Variants in CBL observed in about 807,000 individuals in gnomAD.
CBL encodes the protein E3 ubiquitin-protein ligase CBL.
Under a neutral mutation model 96.9 loss-of-function variants are expected in CBL, and 45 were observed. That is an observed-to-expected ratio of 0.46 (90% CI 0.37 to 0.60). The LOEUF is 0.60. CBL is among the 20% of genes least tolerant of loss of function. CBL has a pLI of 0.00. For missense variants in CBL, 1,024 were observed against 1,143.5 expected (o/e 0.90, Z 1.51); for synonymous variants, 420 against 426.8 (o/e 0.98, Z 0.20).
chr11:119,276,279 G>T (rs1949888889), intron 6 of CBL, 145 bp downstream of exon 6: 2 of 850,114 alleles, frequency 2.4e-6, no homozygotes, highest in Non-Finnish European at 3.8e-6. Flanking sequence ...TTGACCTTCA[G>T]GTCCTGGAAG....
rs59099916 is a variant in CBL at position 119,277,241 on chromosome 11, G to GCACACACACA, written c.1008-495_1008-486dup. ...CAAAAAAAAAATAAGAATCTGTCGC[G>GCACACACACA]CACACACACACACACACACACACAC... On this transcript the variant is annotated intron_variant, in intron 6 of 15. Transcript: ENST00000264033. Among the ~76,000 whole-genome samples, 267 of 146,484 alleles carry GCACACACACA rather than the reference G, an allele frequency of 1.8e-3. 1 individual carries two copies. Among genetic ancestry groups the GCACACACACA allele is most frequent in the Middle Eastern group, 0.01 (3 of 286 alleles).
chr11:119,246,861 A>G (rs542603662), intron 2 of CBL, among the ~76,000 whole-genome samples: 1 of 152,360 alleles, frequency 6.6e-6, no homozygotes, highest in South Asian at 2.1e-4. Context: ...TTACTTGTGC[A>G]TGATTTCGTA....
chr11:119,270,416 T>TTATATATATATATATATATATATA (rs142299271), intron 2 of CBL, among the ~76,000 whole-genome samples: 2 of 74,364 alleles, frequency 2.7e-5, no homozygotes, highest in African/African-American at 1.2e-4. Flanking sequence ...CAGCTAATTT[T>TTATATATATATATATATATATATA]TATATATATA....
intron 2 of CBL, among the ~76,000 whole-genome samples, chr11:119,255,133 G>A (rs971419113): frequency 6.6e-6 from 1 of 152,150 alleles, no homozygotes; most frequent in African/African-American, 2.4e-5. Flanking sequence ...GATTGAGCGT[G>A]ATAAGTGAAG....
At chr11:119,256,223 G>A (rs1434796370) in intron 2 of CBL, among the ~76,000 whole-genome samples, 4 of 146,976 alleles carry the variant, frequency 2.7e-5, no homozygotes, top group East Asian at 2.0e-4. Flanking sequence ...ATGGAGTCTC[G>A]CTCTGTCGCC....
At chr11:119,215,549 C>A (rs568073615) in intron 1 of CBL, among the ~76,000 whole-genome samples, 1 of 151,894 alleles carries the variant, frequency 6.6e-6, no homozygotes, top group African/African-American at 2.4e-5. Flanking sequence ...GCCTGTAATC[C>A]CAGCTCCTCG....
chr11:119,243,916 A>G (rs1013823550), intron 2 of CBL, among the ~76,000 whole-genome samples: 6 of 151,718 alleles, frequency 4.0e-5, no homozygotes, highest in African/African-American at 1.5e-4. Context: ...TTTTGTGGAC[A>G]TCGGGTCTCA....
chr11:119,253,718 G>A (rs968885911), intron 2 of CBL, among the ~76,000 whole-genome samples: 2 of 149,882 alleles, frequency 1.3e-5, no homozygotes, highest in South Asian at 4.3e-4. Flanking sequence ...CATACCTGTG[G>A]TCTAAGCTGT....
At chr11:119,284,800 C>T (rs1467040860) in intron 9 of CBL, among the ~76,000 whole-genome samples, 169 bp from the exon 10 acceptor site, 2 of 152,080 alleles carry the variant, frequency 1.3e-5, no homozygotes, top group Non-Finnish European at 2.9e-5. Context: ...TCAGGAAGTG[C>T]TAGAGTCTCT....
chr11:119,263,917 A>G (rs1949774429), intron 2 of CBL, among the ~76,000 whole-genome samples: 1 of 152,194 alleles, frequency 6.6e-6, no homozygotes, highest in Admixed American at 6.5e-5. Flanking sequence ...TTATCACTGA[A>G]ATAGTACCAG....
intron 2 of CBL, among the ~76,000 whole-genome samples, chr11:119,248,996 A>C (rs78536775): frequency 0.013 from 1,908 of 152,242 alleles, 44 homozygotes; most frequent in African/African-American, 0.043. Flanking sequence ...TGGTGATAGG[A>C]ATAGAAAATG....
At position 119,285,425 on chromosome 11, in the gene CBL, A is replaced by G. The variant is rs1396335788; in HGVS notation, c.1800A>G (p.Val600=). ...WLPRPIPKVP[V]SAPSSSDPWT... ...CCCGGCCAATCCCCAAAGTACCAGT[A>G]TCTGCCCCAAGTTCCAGTGATCCCT... Residue 600 remains valine, a synonymous_variant, in exon 11 of 16, where the codon GTA becomes GTG. Coordinates refer to ENST00000264033, the MANE Select transcript of CBL (RefSeq NM_005188.4). 4 of 1,614,064 alleles carry G rather than the reference A, an allele frequency of 2.5e-6. No homozygotes were observed. In the African/African-American group the frequency reaches 4.0e-5, roughly 16 times the overall value.
At chr11:119,288,015 T>G in intron 12 of CBL, 69 bp downstream of exon 12, 2 of 1,019,002 alleles carry the variant, frequency 2.0e-6, no homozygotes, top group Non-Finnish European at 3.1e-6. Flanking sequence ...TGCAGAAAAT[T>G]GAGAAAACCC....
intron 6 of CBL, among the ~76,000 whole-genome samples, chr11:119,277,002 T>C (rs991632343): frequency 7.3e-4 from 111 of 152,250 alleles, no homozygotes; most frequent in African/African-American, 2.6e-3. Flanking sequence ...TCCCAGCACT[T>C]TGGGAGGCCG....
chr11:119,299,400 A>C (rs1950084337), intron 15 of CBL, 95 bp from the exon 16 acceptor site: 2 of 1,155,954 alleles, frequency 1.7e-6, no homozygotes, highest in East Asian at 4.8e-5. Context: ...GTTTACAGGA[A>C]GTCAGTAATA....
chr11:119,281,496 T>C (rs889826843), intron 9 of CBL, among the ~76,000 whole-genome samples: 27 of 68,554 alleles, frequency 3.9e-4, no homozygotes, highest in African/African-American at 3.1e-3. Context: ...CCAAAAGCCT[T>C]TTTTTTTTTT....
intron 2 of CBL, among the ~76,000 whole-genome samples, chr11:119,258,670 T>C (rs533310438): frequency 1.3e-5 from 2 of 152,334 alleles, no homozygotes; most frequent in Admixed American, 1.3e-4. Context: ...ACTGTTTTGG[T>C]TACTATAGCC....
chr11:119,263,360 A>C (rs1949769274), intron 2 of CBL, among the ~76,000 whole-genome samples: 2 of 152,174 alleles, frequency 1.3e-5, no homozygotes. Context: ...TTTAGGATTA[A>C]TTTGATAGAA....
chr11:119,231,280 G>A (rs1949499950), intron 1 of CBL, among the ~76,000 whole-genome samples: 1 of 152,184 alleles, frequency 6.6e-6, no homozygotes, highest in Non-Finnish European at 1.5e-5. Flanking sequence ...GTGGCCGCCT[G>A]TAATCCCAGC....
Sources: gnomAD v4.1 joint callset for allele counts (sites outside exome capture counted in the v4.1 genomes callset) on GRCh38, gnomAD v4.1.1 for gene constraint, MANE v1.5 for transcripts, NCBI Gene and HGNC (gene_info 2026-07-23, HGNC 2026-07-21) for gene names.